ARB2A: variants seen among roughly 807,000 people sequenced by gnomAD.
The protein encoded by ARB2A is cotranscriptional regulator ARB2A.
chr5:93,881,090 T>C, the ARB2A span, among the ~76,000 whole-genome samples: 1 of 151,664 alleles, frequency 6.6e-6, no homozygotes, highest in East Asian at 1.9e-4. Context: ...CTCTCTCTTA[T>C]GGACAACATA....
At chr5:93,858,196 G>T in the ARB2A span, among the ~76,000 whole-genome samples, 1 of 152,182 alleles carries the variant, frequency 6.6e-6, no homozygotes, top group Admixed American at 6.5e-5. Context: ...GTGTACCAGG[G>T]AAGCTCATTA....
chr5:93,916,049 T>A, the ARB2A span, among the ~76,000 whole-genome samples: 10 of 152,266 alleles, frequency 6.6e-5, no homozygotes, highest in African/African-American at 2.2e-4. Context: ...AGCTGAAGTA[T>A]GGGTGTTATC....
the ARB2A span, among the ~76,000 whole-genome samples, chr5:93,942,187 A>G: frequency 6.6e-6 from 1 of 152,146 alleles, no homozygotes; most frequent in Non-Finnish European, 1.5e-5. Flanking sequence ...TGTCGTTAAC[A>G]ACCTCTCTCC....
the ARB2A span, among the ~76,000 whole-genome samples, chr5:94,011,160 T>A: frequency 6.6e-6 from 1 of 152,176 alleles, no homozygotes; most frequent in African/African-American, 2.4e-5. Flanking sequence ...AAAGACTCAG[T>A]AGTCTCATGG....
chr5:93,748,674 T>A, the ARB2A span, among the ~76,000 whole-genome samples: 2 of 152,010 alleles, frequency 1.3e-5, no homozygotes, highest in East Asian at 3.8e-4. Context: ...ATCATAATAA[T>A]CAAAAGGATA....
At chr5:93,746,868 T>C in the ARB2A span, among the ~76,000 whole-genome samples, 1 of 152,098 alleles carries the variant, frequency 6.6e-6, no homozygotes, top group African/African-American at 2.4e-5. Flanking sequence ...TGATGATGAG[T>C]CAGGTATATT....
the ARB2A span, among the ~76,000 whole-genome samples, chr5:93,679,052 AT>A: frequency 6.6e-6 from 1 of 152,364 alleles, no homozygotes; most frequent in Admixed American, 6.5e-5. Flanking sequence ...TATGAAGTTC[AT>A]AACAATTTCT....
chr5:93,907,282 CATT>C, the ARB2A span, among the ~76,000 whole-genome samples: 302 of 151,516 alleles, frequency 2.0e-3, 1 homozygote, highest in African/African-American at 7.1e-3. Flanking sequence ...AATTTTAAGA[CATT>C]ATGAGTTACA....
the ARB2A span, among the ~76,000 whole-genome samples, chr5:93,874,021 A>C: frequency 6.6e-6 from 1 of 152,232 alleles, no homozygotes; most frequent in East Asian, 1.9e-4. Context: ...CTGGAAGTCC[A>C]TTAGCTACAG....
the ARB2A span, among the ~76,000 whole-genome samples, chr5:94,034,686 T>C: frequency 1.3e-5 from 2 of 152,198 alleles, no homozygotes; most frequent in African/African-American, 2.4e-5. Context: ...CTTCTGTCCT[T>C]TTCACATGCG....
the ARB2A span, among the ~76,000 whole-genome samples, chr5:93,762,742 A>G: frequency 1.8e-4 from 28 of 152,326 alleles, no homozygotes; most frequent in Admixed American, 5.2e-4. Context: ...TCCAAGACAC[A>G]TAATTGTCAG....
the ARB2A span, among the ~76,000 whole-genome samples, chr5:93,882,317 C>G: frequency 2.6e-5 from 4 of 151,390 alleles, no homozygotes; most frequent in East Asian, 7.7e-4. Flanking sequence ...AATCATGTAG[C>G]AAAATAAGCC....
the ARB2A span, among the ~76,000 whole-genome samples, chr5:93,658,726 T>C: frequency 6.6e-6 from 1 of 152,128 alleles, no homozygotes; most frequent in Non-Finnish European, 1.5e-5. Flanking sequence ...GTGAGAAAGA[T>C]ATTGTCAGCC....
chr5:94,061,109 G>A, the ARB2A span, among the ~76,000 whole-genome samples: 1 of 152,146 alleles, frequency 6.6e-6, no homozygotes, highest in African/African-American at 2.4e-5. Flanking sequence ...ATGGTGGCGG[G>A]TGCCTGTAGT....
chr5:94,084,051 T>A, the ARB2A span, among the ~76,000 whole-genome samples: 1 of 151,798 alleles, frequency 6.6e-6, no homozygotes, highest in South Asian at 2.1e-4. Context: ...GGCAGGTGGA[T>A]CCACCTGAGG....
At chr5:93,830,291 GTATATATA>G in the ARB2A span, among the ~76,000 whole-genome samples, 1 of 85,258 alleles carries the variant, frequency 1.2e-5, no homozygotes, top group African/African-American at 4.0e-5. Context: ...ATATTTATAT[GTATATATA>G]TGTGTGTGTG....
chr5:93,845,628 G>C, the ARB2A span, among the ~76,000 whole-genome samples: 1 of 152,144 alleles, frequency 6.6e-6, no homozygotes, highest in East Asian at 1.9e-4. Context: ...AAGGATGCAG[G>C]ATATACACAG....
the ARB2A span, among the ~76,000 whole-genome samples, chr5:93,906,263 T>C: frequency 1.5e-4 from 23 of 151,648 alleles, no homozygotes; most frequent in Admixed American, 4.6e-4. Context: ...CTTCATATTT[T>C]TGACAAATAA....
At chr5:93,810,201 T>G in the ARB2A span, among the ~76,000 whole-genome samples, 2 of 151,840 alleles carry the variant, frequency 1.3e-5, no homozygotes, top group Non-Finnish European at 2.9e-5. Context: ...TTTCGTTTTT[T>G]TTTTTTTTTA....
Sources: gnomAD v4.1 joint callset for allele counts (sites outside exome capture counted in the v4.1 genomes callset) on GRCh38, gnomAD v4.1.1 for gene constraint, MANE v1.5 for transcripts, NCBI Gene and HGNC (gene_info 2026-07-23, HGNC 2026-07-21) for gene names.